SAE1: variants seen among roughly 807,000 people sequenced by gnomAD.
SAE1 encodes the protein SUMO-activating enzyme subunit 1.
SAE1 carries 11 observed loss-of-function variants against 40.6 expected under a neutral mutation model. The ratio of observed to expected loss-of-function variants is 0.27; its 90% CI spans 0.17 to 0.45. The LOEUF is 0.45. Ranked by LOEUF, SAE1 falls within the 20% of genes least tolerant of loss-of-function variation. The pLI, the probability that SAE1 is intolerant of heterozygous loss-of-function variation, is 1.00. For missense variants in SAE1, 373 were observed against 427.3 expected, an observed-to-expected ratio of 0.87 and a Z score of 1.12; for synonymous variants, 155 against 154.3, an observed-to-expected ratio of 1.00 and a Z score of -0.03.
At chr19:47,158,680 G>A (rs896548790) in intron 5 of SAE1, among the ~76,000 whole-genome samples, 1 of 152,226 alleles carries the variant, frequency 6.6e-6, no homozygotes, top group Non-Finnish European at 1.5e-5. Context: ...CTCCTTCCAT[G>A]AGTTGCAGAA....
At chr19:47,198,439 G>A (rs1709105100) in intron 7 of SAE1, among the ~76,000 whole-genome samples, 1 of 152,032 alleles carries the variant, frequency 6.6e-6, no homozygotes, top group South Asian at 2.1e-4. Flanking sequence ...GCAGCTCTGG[G>A]ATCATGTACA....
intron 6 of SAE1, among the ~76,000 whole-genome samples, chr19:47,192,482 C>T (rs1188059763): frequency 6.6e-6 from 1 of 151,860 alleles, no homozygotes; most frequent in Non-Finnish European, 1.5e-5. Context: ...CCCCTGACCT[C>T]GTGATCCACC....
In SAE1 at chr19:47,203,519, G is replaced by A. The variant is rs768739969; in HGVS notation, c.879-152G>A. 50 of 628,174 alleles carry A rather than the reference G, an allele frequency of 8.0e-5. 1 individual carries two copies. The highest frequency in any genetic ancestry group is 1.3e-4 in the South Asian group (6 of 46,956). 38.9% of individuals were successfully genotyped at this position (628,174 alleles called of 1,614,324 possible). ...TCCCTTGCTCAGATTTCATTTTCACGCCTAGATGCCAGCATTAACACTGCT... is the reference window on the plus strand; with the variant it reads ...TCCCTTGCTCAGATTTCATTTTCACACCTAGATGCCAGCATTAACACTGCT... On this transcript the variant is annotated intron_variant, in intron 7 of 8. Transcript: ENST00000270225.
intron 6 of SAE1, among the ~76,000 whole-genome samples, chr19:47,189,484 C>T (rs2058565825): frequency 6.6e-6 from 1 of 152,134 alleles, no homozygotes; most frequent in Non-Finnish European, 1.5e-5. Flanking sequence ...TCGCTTGCAC[C>T]TGGGAGGCGG....
intron 6 of SAE1, among the ~76,000 whole-genome samples, chr19:47,176,319 A>G (rs1219255935): frequency 1.3e-5 from 2 of 152,188 alleles, no homozygotes; most frequent in Non-Finnish European, 2.9e-5. Flanking sequence ...TGTTTCCAAA[A>G]TTGTTTCTAG....
chr19:47,150,098 T>G, intron 2 of SAE1, 104 bp from the exon 3 acceptor site: 1 of 728,402 alleles, frequency 1.4e-6, no homozygotes, highest in Non-Finnish European at 2.0e-6. Flanking sequence ...AAAAAAAATT[T>G]AGGTGGTAGG....
At chr19:47,175,163 C>G (rs1342515152) in intron 6 of SAE1, among the ~76,000 whole-genome samples, 1 of 102,128 alleles carries the variant, frequency 9.8e-6, no homozygotes, top group South Asian at 3.3e-4. Flanking sequence ...CAGTAACATT[C>G]TGATTTCAGG....
intron 1 of SAE1, among the ~76,000 whole-genome samples, chr19:47,132,675 C>G (rs903052877): frequency 6.6e-6 from 1 of 151,730 alleles, no homozygotes; most frequent in Admixed American, 6.6e-5. Flanking sequence ...CCTCTTGAGC[C>G]CAGGAGTTTG....
intron 6 of SAE1, among the ~76,000 whole-genome samples, chr19:47,186,200 A>G (rs1339286127): frequency 6.6e-6 from 1 of 151,982 alleles, no homozygotes; most frequent in East Asian, 2.0e-4. Context: ...AGATCCCGCC[A>G]CTGCATTCCA....
rs2058667977 is a variant in SAE1, at chr19:47,203,696, G to T, written c.904G>T (p.Val302Leu). ...VRYCFSEMAPVCAVVGGILAQ... is the reference protein window; with the variant it reads ...VRYCFSEMAPLCAVVGGILAQ... ...GTACTGCTTCTCCGAGATGGCCCCA[G>T]TGTGTGCGGTGGTTGGAGGGATTTT... The change falls in exon 8 of 9, where the codon GTG becomes TTG. Residue 302 changes from valine to leucine, a missense_variant. Val to Leu is a conservative substitution (Grantham distance 32, BLOSUM62 1). Transcript: ENST00000270225. The T allele has an allele frequency of 1.9e-6, 3 of 1,614,006 alleles. No individual in the cohort carries two copies. The African/African-American group carries it at 4.0e-5, about 22-fold the overall frequency.
chr19:47,207,399 C>T (rs551056144), intron 8 of SAE1, among the ~76,000 whole-genome samples: 1 of 152,294 alleles, frequency 6.6e-6, no homozygotes, highest in African/African-American at 2.4e-5. Flanking sequence ...CCACCTTCCT[C>T]ATGAATGATG....
chr19:47,141,432 G>A (rs770983121), intron 1 of SAE1, among the ~76,000 whole-genome samples: 11 of 152,126 alleles, frequency 7.2e-5, no homozygotes, highest in Admixed American at 4.6e-4. Context: ...ATGAGTCACC[G>A]GGCCCGGCTG....
chr19:47,180,304 G>A (rs1294492657), intron 6 of SAE1: 2 of 455,994 alleles, frequency 4.4e-6, no homozygotes, highest in African/African-American at 4.0e-5. Flanking sequence ...AAAATTACAG[G>A]TGAGCTTGGA....
intron 6 of SAE1, among the ~76,000 whole-genome samples, chr19:47,192,320 G>A (rs990190836): frequency 1.3e-5 from 2 of 151,628 alleles, no homozygotes; most frequent in Admixed American, 6.6e-5. Flanking sequence ...GCACGATACC[G>A]GCTCACTGCA....
At chr19:47,186,043 C>T (rs1238901707) in intron 6 of SAE1, among the ~76,000 whole-genome samples, 1 of 151,446 alleles carries the variant, frequency 6.6e-6, no homozygotes, top group Non-Finnish European at 1.5e-5. Flanking sequence ...AGTTCAAGAC[C>T]AGCCTGGCTA....
At position 47,187,258 on chromosome 19, in the gene SAE1, T is replaced by C. The variant is rs146849363; in HGVS notation, c.734-9975T>C. ...TCCCCCAGCCCAGCTATGTCACTCC[T>C]CTGAGCTTCACACCTATGGACTGTT... On this transcript the variant is annotated intron_variant, in intron 6 of 8. Coordinates refer to ENST00000270225, the MANE Select transcript of SAE1 (RefSeq NM_005500.3). Among the ~76,000 whole-genome samples the C allele has an allele frequency of 2.9e-3, 445 of 152,266 alleles. 15 individuals carry two copies. In the East Asian group the frequency reaches 0.075, roughly 26 times the overall value.
At chr19:47,186,641 T>C (rs1157337721) in intron 6 of SAE1, among the ~76,000 whole-genome samples, 1 of 152,242 alleles carries the variant, frequency 6.6e-6, no homozygotes, top group East Asian at 1.9e-4. Context: ...GCATGCTCCT[T>C]TTCCCCATCA....
At chr19:47,170,793 C>T (rs1481503187) in intron 6 of SAE1, among the ~76,000 whole-genome samples, 2 of 152,132 alleles carry the variant, frequency 1.3e-5, no homozygotes, top group African/African-American at 2.4e-5. Context: ...AGGCGTAAGC[C>T]ACCAGTGCTT....
chr19:47,175,274 C>T (rs2058462445), intron 6 of SAE1, among the ~76,000 whole-genome samples: 1 of 151,976 alleles, frequency 6.6e-6, no homozygotes. Context: ...TATTTTCTCA[C>T]AGTCTTGTGA....
Sources: allele counts gnomAD v4.1 joint callset (sites outside exome capture counted in the v4.1 genomes callset), GRCh38; gene constraint gnomAD v4.1.1; transcripts MANE v1.5; gene names NCBI Gene and HGNC (gene_info 2026-07-23, HGNC 2026-07-21).